The following VWA5B1 variants were observed in gnomAD, a reference collection of about 807,000 sequenced individuals.
VWA5B1 encodes the protein von Willebrand factor A domain-containing protein 5B1.
VWA5B1 carries 115 observed loss-of-function variants against 118.2 expected under a neutral mutation model. That is an observed-to-expected ratio of 0.97 (90% CI 0.84 to 1.14). The LOEUF (loss-of-function observed/expected upper bound fraction) is 1.14, where lower values mean the gene tolerates loss of function less well. Ranked by LOEUF, VWA5B1 falls within the 50% of genes most tolerant of loss-of-function variation. The pLI is 0.00. For missense variants in VWA5B1, 1,596 were observed against 1,603.8 expected (o/e 1.00, Z 0.08); for synonymous variants, 682 against 658.4 (o/e 1.04, Z -0.55).
intron 1 of VWA5B1, among the ~76,000 whole-genome samples, chr1:20,308,246 CAA>C (rs10546611): frequency 0.22 from 32,862 of 151,898 alleles, 3,917 homozygotes; most frequent in East Asian, 0.52. Flanking sequence ...CCTAAAGGGT[CAA>C]TGCTGAGGGA....
chr1:20,348,515 C>A (rs2090056648), intron 18 of VWA5B1, 157 bp downstream of exon 18: 1 of 743,142 alleles, frequency 1.3e-6, no homozygotes, highest in South Asian at 1.7e-5. Context: ...CTCCCAGGCT[C>A]TCTGAAGCCT....
chr1:20,321,876 G>A (rs1328289461), intron 7 of VWA5B1, among the ~76,000 whole-genome samples: 1 of 152,186 alleles, frequency 6.6e-6, no homozygotes, highest in East Asian at 1.9e-4. Context: ...GGACAGGCAG[G>A]CAGGGGTCAA....
At chr1:20,291,373 C>G (rs1216304719) in intron 1 of VWA5B1, among the ~76,000 whole-genome samples, 5 of 148,156 alleles carry the variant, frequency 3.4e-5, no homozygotes, top group African/African-American at 1.3e-4. Context: ...CTCTCTCTCT[C>G]TCTCTCTCTC....
intron 11 of VWA5B1, among the ~76,000 whole-genome samples, chr1:20,331,211 C>T (rs964407436): frequency 1.3e-5 from 2 of 152,248 alleles, no homozygotes; most frequent in African/African-American, 4.8e-5. Context: ...TGGACACACA[C>T]TCCATCCACT....
At position 20,343,345 on chromosome 1, in the gene VWA5B1, A is replaced by T. The variant is rs1415905613; in HGVS notation, c.2578A>T (p.Ile860Phe). The change falls in exon 16 of 22, where the codon ATC (isoleucine) becomes TTC (phenylalanine). Residue 860 changes from isoleucine to phenylalanine, a missense_variant. Coordinates refer to ENST00000289815, the MANE Select transcript of VWA5B1 (RefSeq NM_001039500.3). Reference protein sequence around the residue: ...TFHHLAARAIIRDFEQLAERE... With the variant: ...TFHHLAARAIFRDFEQLAERE... ...CCACCACCTGGCGGCCCGCGCCATC[A>T]TCCGCGACTTCGAGCAGCTGGCGGA... is the stretch of plus-strand genomic sequence containing the variant. 7 of 1,541,490 alleles carry T rather than the reference A, an allele frequency of 4.5e-6. No individual in the cohort carries two copies. Among genetic ancestry groups the T allele is most frequent in the African/African-American group, 1.4e-5 (1 of 72,938 alleles).
At chr1:20,320,092 C>T (rs1189921962) in intron 7 of VWA5B1, among the ~76,000 whole-genome samples, 1 of 152,216 alleles carries the variant, frequency 6.6e-6, no homozygotes, top group Non-Finnish European at 1.5e-5. Flanking sequence ...CATGCTCTGC[C>T]TCCCGCTCAT....
chr1:20,300,340 C>T (rs1426814124), intron 1 of VWA5B1, among the ~76,000 whole-genome samples: 4 of 152,158 alleles, frequency 2.6e-5, no homozygotes, highest in African/African-American at 7.2e-5. Flanking sequence ...CTCAGAGCAG[C>T]TGAGACCCTG....
chr1:20,317,586 TG>T lies in VWA5B1; in HGVS notation c.622del (p.Ala208ArgfsTer4), dbSNP rs1263405366. On this transcript the variant is annotated frameshift_variant, in exon 5 of 22. Coordinates refer to ENST00000289815, the MANE Select transcript of VWA5B1 (RefSeq NM_001039500.3). LOFTEE classifies it high-confidence loss of function. ...CCGGGCTCCTGGAATAAGTTGTGCC[TG>T]GCGACTCTCCTGAACACCGAAGTGT... ...WAPGSWNKLC[L>X]ATLLNTEVSN... 4 of 1,551,778 alleles carry T rather than the reference TG, an allele frequency of 2.6e-6. No homozygotes were observed. In the Admixed American group the frequency reaches 5.9e-5, roughly 23 times the overall value.
Position 20,332,948 on chromosome 1 carries a change from ATC to A in VWA5B1, c.1757_1758del (p.Ser586Ter). 6.4e-7 allele frequency: 1 copy of A among 1,551,826 alleles called. No homozygotes were observed. Among genetic ancestry groups the A allele is most frequent in the South Asian group, 1.2e-5 (1 of 84,050 alleles). On this transcript the variant is annotated frameshift_variant and splice_region_variant, in exon 12 of 22. Coordinates refer to ENST00000289815, the MANE Select transcript of VWA5B1 (RefSeq NM_001039500.3). LOFTEE classifies it high-confidence loss of function. Reference protein sequence around the residue: ...DASLHISNPRSDKRRRYSMLH... With the variant: ...DASLHISNPRXDKRRRYSMLH... ...CTTCTTTGCACATCTCCAATCCCAG[ATC>A]TGTAAGTATCCTAGAAATTCCACGG... is the stretch of plus-strand genomic sequence containing the variant.
At chr1:20,343,445 C>G (rs1276739853) in intron 16 of VWA5B1, 52 bp downstream of exon 16, 8 of 1,463,556 alleles carry the variant, frequency 5.5e-6, no homozygotes, top group Non-Finnish European at 7.2e-6. Flanking sequence ...GGAGGACAGC[C>G]CCGCTCCACA....
chr1:20,301,046 A>G (rs1262269379), intron 1 of VWA5B1, among the ~76,000 whole-genome samples: 1 of 152,170 alleles, frequency 6.6e-6, no homozygotes, highest in Non-Finnish European at 1.5e-5. Context: ...GTGTACGGGG[A>G]AGCAGTCTCA....
chr1:20,347,088 C>T (rs138644696), intron 17 of VWA5B1, among the ~76,000 whole-genome samples: 340 of 152,248 alleles, frequency 2.2e-3, no homozygotes, highest in African/African-American at 7.7e-3. Context: ...CCCAAAGCCC[C>T]CTAAGATCTA....
intron 3 of VWA5B1, 44 bp downstream of exon 3, chr1:20,313,032 G>T (rs2088898238): frequency 3.9e-6 from 6 of 1,538,570 alleles, no homozygotes; most frequent in Non-Finnish European, 4.4e-6. Flanking sequence ...GGTTTGGCCA[G>T]CCAGAGGCTG....
intron 1 of VWA5B1, 124 bp downstream of exon 1, chr1:20,291,212 T>C (rs1178329426): frequency 6.7e-6 from 1 of 149,588 alleles, no homozygotes; most frequent in Non-Finnish European, 1.5e-5. Flanking sequence ...AGTTTGTGTG[T>C]CTATGGGCAT....
intron 1 of VWA5B1, among the ~76,000 whole-genome samples, chr1:20,309,435 G>C (rs1253408997): frequency 6.6e-6 from 1 of 152,208 alleles, no homozygotes; most frequent in African/African-American, 2.4e-5. Context: ...TGAGTAGGGG[G>C]TTACTGGTTT....
rs2089289424 is a variant in VWA5B1, at chr1:20,323,572, C to T, written c.1143+40C>T. 5.0e-5 allele frequency: 67 copies of T among 1,341,144 alleles called. No homozygotes were observed. The East Asian group carries it at 2.0e-3, about 40-fold the overall frequency. 83.1% of individuals were successfully genotyped at this position (1,341,144 alleles called of 1,614,324 possible). On this transcript the variant is annotated intron_variant, in intron 8 of 21. Coordinates refer to ENST00000289815, the MANE Select transcript of VWA5B1 (RefSeq NM_001039500.3). ...AACCCCTCCCGAGGACCCGGGGCTC[C>T]AGGGGAAATCAGCTGTGTGCCCCCA...
chr1:20,310,347 A>G (rs2088809690), intron 1 of VWA5B1, among the ~76,000 whole-genome samples: 1 of 152,170 alleles, frequency 6.6e-6, no homozygotes, highest in Non-Finnish European at 1.5e-5. Context: ...CATGCTTTCA[A>G]GCCTCAGTTT....
intron 17 of VWA5B1, among the ~76,000 whole-genome samples, chr1:20,346,908 A>C (rs1557446878): frequency 6.6e-6 from 1 of 152,140 alleles, no homozygotes. Flanking sequence ...AAAGTGATCA[A>C]CCCTTCTCAA....
chr1:20,332,658 T>A lies in VWA5B1; in HGVS notation c.1573-108T>A, dbSNP rs867471784. The A allele has an allele frequency of 2.5e-6, 3 of 1,216,754 alleles. No individual in the cohort carries two copies. The Admixed American group carries it at 6.9e-5, about 28-fold the overall frequency. The allele number at this position is 1,216,754 out of a possible 1,614,324, so 75.4% of individuals were successfully genotyped here. ...CTAGGCAAGTCACCACAAGGCCTAC[T>A]GTCCCCTCTTCCCTGCTCCCACTCC... is the stretch of plus-strand genomic sequence containing the variant. On this transcript the variant is annotated intron_variant, in intron 11 of 21. Coordinates refer to ENST00000289815, the MANE Select transcript of VWA5B1 (RefSeq NM_001039500.3).
Sources: gnomAD v4.1 joint callset for allele counts (sites outside exome capture counted in the v4.1 genomes callset) on GRCh38, gnomAD v4.1.1 for gene constraint, MANE v1.5 for transcripts, NCBI Gene and HGNC (gene_info 2026-07-23, HGNC 2026-07-21) for gene names.